Variants in SFTPD observed in about 807,000 individuals in gnomAD.
SFTPD encodes pulmonary surfactant-associated protein D.
A neutral mutation model predicts 34.6 loss-of-function variants in SFTPD; 18 were observed. That is an observed-to-expected ratio of 0.52 (90% confidence interval 0.36 to 0.77). The LOEUF is 0.77. Ranked by LOEUF, SFTPD falls within the 30% of genes least tolerant of loss-of-function variation. The probability of loss-of-function intolerance (pLI) is 0.00; values close to 1 mark genes in which losing one functional copy is unlikely to be tolerated. For missense variants in SFTPD, 433 were observed against 468.9 expected (o/e 0.92, Z 0.71); for synonymous variants, 155 against 180.9 (o/e 0.86, Z 1.15).
At chr10:79,951,217 T>C (rs1242396873), upstream of SFTPD, among the ~76,000 whole-genome samples, 3 of 152,314 alleles carry the variant, frequency 2.0e-5, no homozygotes, top group East Asian at 5.8e-4. Flanking sequence ...TTAGGATCCA[T>C]TGCTAGGGAG....
Position 79,940,766 on chromosome 10 carries a change from C to G in SFTPD, c.690G>C (p.Gln230His), listed in dbSNP as rs1382681855. The G allele has an allele frequency of 6.2e-7, 1 of 1,611,674 alleles. No homozygotes were observed. The highest frequency in any genetic ancestry group is 8.5e-7 in the Non-Finnish European group (1 of 1,177,950). The change falls in exon 7 of 8, where the codon CAG becomes CAC. Residue 230 changes from glutamine (Q) to histidine (H), a missense_variant. Transcript: ENST00000372292. ...GLPDVASLRQ[Q>H]VEALQGQVQH... Reference sequence around the variant, plus strand: ...GTACTTGTCCCTGTAAGGCCTCAACCTGCTGCCTCAGAGAAGCAACATCTG... The same window carrying G: ...GTACTTGTCCCTGTAAGGCCTCAACGTGCTGCCTCAGAGAAGCAACATCTG...
At chr10:79,940,060 C>A (rs1842595896) in intron 7 of SFTPD, among the ~76,000 whole-genome samples, 1 of 152,198 alleles carries the variant, frequency 6.6e-6, no homozygotes, top group Non-Finnish European at 1.5e-5. Context: ...AAGAGCACGT[C>A]TAAGGTGAGA....
chr10:79,975,661 G>A (rs1304952418), intron 1 of SFTPD, among the ~76,000 whole-genome samples: 1 of 152,202 alleles, frequency 6.6e-6, no homozygotes, highest in African/African-American at 2.4e-5. Flanking sequence ...ATTGTAAAGT[G>A]GGAAATCAGG....
intron 2 of SFTPD, among the ~76,000 whole-genome samples, chr10:79,945,682 G>A (rs1314178628): frequency 6.6e-6 from 1 of 152,102 alleles, no homozygotes; most frequent in Non-Finnish European, 1.5e-5. Flanking sequence ...AAAGACTCAA[G>A]AAAAAATAAA....
At chr10:79,964,245 G>T (rs909064483) in intron 1 of SFTPD, among the ~76,000 whole-genome samples, 1 of 152,050 alleles carries the variant, frequency 6.6e-6, no homozygotes, top group African/African-American at 2.4e-5. Context: ...AGGTTTCCTC[G>T]CTACACAAGG....
intron 1 of SFTPD, among the ~76,000 whole-genome samples, chr10:79,976,172 C>G (rs1486338811): frequency 6.6e-6 from 1 of 152,188 alleles, no homozygotes; most frequent in Non-Finnish European, 1.5e-5. Flanking sequence ...GCAAAAGAAT[C>G]AAAGTGATGG....
intron 7 of SFTPD, among the ~76,000 whole-genome samples, chr10:79,940,249 T>A (rs569509058): frequency 3.3e-4 from 51 of 152,262 alleles, no homozygotes; most frequent in African/African-American, 1.2e-3. Flanking sequence ...CCGTGTTGGG[T>A]AGCCCCTTAT....
At chr10:79,974,035 C>G (rs1033516477) in intron 1 of SFTPD, among the ~76,000 whole-genome samples, 1 of 149,980 alleles carries the variant, frequency 6.7e-6, no homozygotes, top group African/African-American at 2.5e-5. Flanking sequence ...CAGACAGACA[C>G]ACACCCACAC....
chr10:79,969,548 C>T (rs1321342520), intron 1 of SFTPD: 1 of 152,056 alleles, frequency 6.6e-6, no homozygotes, highest in Non-Finnish European at 1.5e-5. Flanking sequence ...TTCTCCACAT[C>T]CTCAACAACA....
In SFTPD at chr10:79,946,654, C is replaced by T. The variant is rs1366933830; in HGVS notation, c.6G>A (p.Leu2=). The change falls in exon 2 of 8, where the codon CTG becomes CTA. Residue 2 remains leucine (L), a synonymous_variant. Coordinates refer to ENST00000372292, the MANE Select transcript of SFTPD (RefSeq NM_003019.5). M[L]LFLLSALVLL... is the part of the protein sequence containing the mutation. ...GGACCAGTGCAGAGAGGAGGAAGAG[C>T]AGCATGGCCTGGAGAGGTGAACAGA... 1.9e-6 allele frequency: 3 copies of T among 1,614,016 alleles called. No homozygotes were observed. Among genetic ancestry groups the T allele is most frequent in the Non-Finnish European group, 2.5e-6 (3 of 1,179,936 alleles).
chr10:79,959,095 A>G (rs1364622424), intron 1 of SFTPD, among the ~76,000 whole-genome samples: 1 of 151,700 alleles, frequency 6.6e-6, no homozygotes, highest in Non-Finnish European at 1.5e-5. Flanking sequence ...TTTGAAACCA[A>G]CGAGAACAAA....
At chr10:79,969,450 G>C (rs1290775030) in intron 1 of SFTPD, 1 of 144,522 alleles carries the variant, frequency 6.9e-6, no homozygotes, top group African/African-American at 2.7e-5. Flanking sequence ...CCCCAGCCTA[G>C]GGGAAAGAGC....
Position 79,942,487 on chromosome 10 carries a change from C to G in SFTPD, c.334G>C (p.Gly112Arg), listed in dbSNP as rs370352980. ...TGPSGPPGPP[G>R]VPGPAGREGP... ...TCTCTTCCAGCTGGACCAGGCACAC[C>G]GGGAGGTCCTGGAGGTCCTGAGCAA... is the stretch of plus-strand genomic sequence containing the variant. Residue 112 changes from glycine (G) to arginine (R), a missense_variant, in exon 4 of 8, where the codon GGT becomes CGT. Physicochemically the swap from Gly to Arg is moderately radical, Grantham distance 125 (BLOSUM62 -2). Transcript: ENST00000372292. 103 of 1,612,864 alleles carry G rather than the reference C, an allele frequency of 6.4e-5. No homozygotes were observed. Among genetic ancestry groups the G allele is most frequent in the Non-Finnish European group, 8.6e-5 (101 of 1,179,074 alleles).
intron 1 of SFTPD, chr10:79,969,544 A>G (rs1842824154): frequency 6.6e-6 from 1 of 152,050 alleles, no homozygotes; most frequent in African/African-American, 2.4e-5. Context: ...CATTTTCTCC[A>G]CATCCTCAAC....
intron 1 of SFTPD, among the ~76,000 whole-genome samples, chr10:79,965,533 A>AT (rs1320224456): frequency 3.7e-5 from 1 of 27,038 alleles, no homozygotes; most frequent in Non-Finnish European, 7.3e-5. Context: ...ATTTCATTTT[A>AT]TTTTTCTTTT....
At chr10:79,963,071 A>C (rs1842783854) in intron 1 of SFTPD, among the ~76,000 whole-genome samples, 1 of 152,154 alleles carries the variant, frequency 6.6e-6, no homozygotes, top group African/African-American at 2.4e-5. Flanking sequence ...AGCTGGGCAC[A>C]GTGGTTCACA....
intron 1 of SFTPD, chr10:79,970,754 G>GT (rs888511041): frequency 7.9e-5 from 12 of 152,156 alleles, no homozygotes; most frequent in Non-Finnish European, 1.3e-4. Flanking sequence ...AGTTCTAAGA[G>GT]TTTTTTTGTA....
At chr10:79,941,137 T>C (rs12776624) in intron 6 of SFTPD, among the ~76,000 whole-genome samples, 4,509 of 152,316 alleles carry the variant, frequency 0.03, 95 homozygotes, top group Non-Finnish European at 0.044. Flanking sequence ...AAAACTGTCC[T>C]ATGAATTGGG....
intron 1 of SFTPD, chr10:79,971,773 T>C (rs1175037902): frequency 2.0e-5 from 3 of 152,208 alleles, no homozygotes; most frequent in Non-Finnish European, 2.9e-5. Flanking sequence ...AGATTCCCTC[T>C]TTGTCTTTGA....
Sources: gnomAD v4.1 joint callset for allele counts (sites outside exome capture counted in the v4.1 genomes callset) on GRCh38, gnomAD v4.1.1 for gene constraint, MANE v1.5 for transcripts, NCBI Gene and HGNC (gene_info 2026-07-23, HGNC 2026-07-21) for gene names.